The following ACSF2 variants were observed in gnomAD, a reference collection of about 807,000 sequenced individuals.
The protein encoded by ACSF2 is medium-chain acyl-CoA ligase ACSF2, mitochondrial.
A neutral mutation model predicts 79.3 loss-of-function variants in ACSF2; 52 were observed. The ratio of observed to expected loss-of-function variants is 0.66; its 90% CI spans 0.53 to 0.83. The LOEUF (loss-of-function observed/expected upper bound fraction) is 0.83. ACSF2 is among the 40% of genes least tolerant of loss of function. The pLI is 0.00. For synonymous variants in ACSF2, 283 were observed against 312.6 expected, an observed-to-expected ratio of 0.91 and a Z score of 1.00; for missense variants, 661 against 803.3, an observed-to-expected ratio of 0.82 and a Z score of 2.14.
At chr17:50,451,449 T>C (rs1208788692) in intron 1 of ACSF2, among the ~76,000 whole-genome samples, 1 of 152,208 alleles carries the variant, frequency 6.6e-6, no homozygotes, top group Non-Finnish European at 1.5e-5. Flanking sequence ...ATTTTGTTTT[T>C]TTATTTTTTA....
intron 1 of ACSF2, chr17:50,460,154 C>T (rs2032242908): frequency 2.2e-6 from 1 of 455,512 alleles, no homozygotes; most frequent in Admixed American, 2.4e-5. Context: ...TTAGGGCCTC[C>T]ATCTGCCCTC....
Position 50,468,689 on chromosome 17 carries a change from C to T in ACSF2, c.1216-2339C>T, listed in dbSNP as rs145832346. The T allele has an allele frequency of 4.3e-6, 7 of 1,613,658 alleles. No homozygotes were observed. In the African/African-American group the frequency reaches 6.7e-5, roughly 15 times the overall value. On this transcript the variant is annotated intron_variant, in intron 10 of 15. Coordinates refer to ENST00000300441, the MANE Select transcript of ACSF2 (RefSeq NM_025149.6). ...TGACACCTTGGGGATCTTCTGCAGC[C>T]CCACCTTGTCGCAGATGACGTGCTG... is the stretch of plus-strand genomic sequence containing the variant.
At chr17:50,458,777 T>C (rs2032165085) in intron 1 of ACSF2, among the ~76,000 whole-genome samples, 1 of 152,242 alleles carries the variant, frequency 6.6e-6, no homozygotes, top group African/African-American at 2.4e-5. Context: ...GGCCATAGTA[T>C]GGGTGGCCCC....
chr17:50,440,194 T>C (rs1174920754), intron 1 of ACSF2, among the ~76,000 whole-genome samples: 3 of 152,010 alleles, frequency 2.0e-5, no homozygotes, highest in Non-Finnish European at 2.9e-5. Context: ...TTCAATTTAA[T>C]TTTGAAAGCC....
At chr17:50,439,124 G>C (rs1305064870) in intron 1 of ACSF2, among the ~76,000 whole-genome samples, 1 of 148,924 alleles carries the variant, frequency 6.7e-6, no homozygotes, top group Admixed American at 6.7e-5. Flanking sequence ...CTGCTGGAGT[G>C]CAATGACGCC....
intron 1 of ACSF2, among the ~76,000 whole-genome samples, chr17:50,448,113 G>A (rs1201279430): frequency 6.6e-6 from 1 of 151,714 alleles, no homozygotes; most frequent in Non-Finnish European, 1.5e-5. Context: ...ATCATCAAGT[G>A]CACTTACACA....
At position 50,463,616 on chromosome 17, in the gene ACSF2, C is replaced by A; in HGVS notation, c.1046+64C>A. 1 of 1,583,472 alleles carries A rather than the reference C, an allele frequency of 6.3e-7. No homozygotes were observed. The highest frequency in any genetic ancestry group is 8.6e-7 in the Non-Finnish European group (1 of 1,162,838). On this transcript the variant is annotated intron_variant, in intron 8 of 15. Coordinates refer to ENST00000300441, the MANE Select transcript of ACSF2 (RefSeq NM_025149.6). This position sits in a 1 kb window ranked among gnomAD's most constrained non-coding sequence, Gnocchi z 4.6. ...ACCCTCTTCTTCCTCACTCCTGGGC[C>A]CTGACACCTTTCCAAGCTGCCTCCT...
intron 10 of ACSF2, chr17:50,468,574 C>CAATG: frequency 1.9e-6 from 3 of 1,614,222 alleles, no homozygotes; most frequent in Non-Finnish European, 2.5e-6. Flanking sequence ...GCTGCAGGTG[C>CAATG]AATGACACGA....
At chr17:50,431,937 C>T (rs1001741015) in intron 1 of ACSF2, among the ~76,000 whole-genome samples, 9 of 151,980 alleles carry the variant, frequency 5.9e-5, no homozygotes, top group East Asian at 1.9e-4. Context: ...GACAAGGTCT[C>T]GCTCTGTCAC....
At chr17:50,468,569 A>T in intron 10 of ACSF2, 1 of 1,614,232 alleles carries the variant, frequency 6.2e-7, no homozygotes, top group Non-Finnish European at 8.5e-7. Context: ...GCAGTGCTGC[A>T]GGTGCAATGA....
At position 50,464,773 on chromosome 17, in the gene ACSF2, G is replaced by GGT; in HGVS notation, c.1215+480_1215+481insTG. 6.0e-6 allele frequency: 2 copies of GGT among 333,604 alleles called. 1 individual carries two copies. Among genetic ancestry groups the GGT allele is most frequent in the Non-Finnish European group, 1.2e-5 (2 of 169,898 alleles). The allele number at this position is 333,604 out of a possible 1,614,324, so 20.7% of individuals were successfully genotyped here. On this transcript the variant is annotated intron_variant, in intron 10 of 15. Transcript: ENST00000300441. The stretch of plus-strand genomic sequence containing the variant: ...CTGTTGTGGTTCTGATTGACTTGGG[G>GGT]GGGGGGTCTCAGCAACAGCTTCTCC...
At chr17:50,441,076 A>G (rs79416314) in intron 1 of ACSF2, among the ~76,000 whole-genome samples, 10,398 of 152,342 alleles carry the variant, frequency 0.068, 393 homozygotes, top group African/African-American at 0.095. Context: ...GATGGGCTGC[A>G]GAGTAAAGAG....
At chr17:50,432,639 C>CCT (rs1419050303) in intron 1 of ACSF2, among the ~76,000 whole-genome samples, 1 of 152,200 alleles carries the variant, frequency 6.6e-6, no homozygotes, top group Non-Finnish European at 1.5e-5. Flanking sequence ...TCTGCCAGTG[C>CCT]CTCTCCCTTT....
In ACSF2 at chr17:50,460,606, G is replaced by C. The variant is rs900939040; in HGVS notation, c.129-71G>C. On this transcript the variant is annotated intron_variant, in intron 1 of 15. Coordinates refer to ENST00000300441, the MANE Select transcript of ACSF2 (RefSeq NM_025149.6). ...CAGCAGCCTACCCCCTGGCTTGGCT[G>C]GGTGTGCCATGCCCTTGGTTCCAGG... 4 of 1,435,626 alleles carry C rather than the reference G, an allele frequency of 2.8e-6. No homozygotes were observed. The African/African-American group carries it at 5.7e-5, about 20-fold the overall frequency. 88.9% of individuals were successfully genotyped at this position (1,435,626 alleles called of 1,614,324 possible).
intron 1 of ACSF2, among the ~76,000 whole-genome samples, chr17:50,449,192 T>G (rs938271234): frequency 2.7e-5 from 4 of 150,018 alleles, no homozygotes; most frequent in African/African-American, 9.9e-5. Flanking sequence ...AATTTTTGTG[T>G]TTTTGGTAGA....
At chr17:50,438,693 A>C (rs1383159201) in intron 1 of ACSF2, among the ~76,000 whole-genome samples, 1 of 151,864 alleles carries the variant, frequency 6.6e-6, no homozygotes, top group East Asian at 1.9e-4. Flanking sequence ...CAGCCTCCCG[A>C]GTAGCTGGGA....
Position 50,463,387 on chromosome 17 carries a change from A to C in ACSF2, c.889-8A>C. The C allele has an allele frequency of 6.2e-7, 1 of 1,613,660 alleles. No homozygotes were observed. ...AAGACAGACCCAGCCTCCTGTCTCCATCACCAGACACCAGAGCAGTTGCGG... is the reference window on the plus strand; with the variant it reads ...AAGACAGACCCAGCCTCCTGTCTCCCTCACCAGACACCAGAGCAGTTGCGG... On this transcript the variant is annotated splice_polypyrimidine_tract_variant and splice_region_variant and intron_variant, in intron 7 of 15. Coordinates refer to ENST00000300441, the MANE Select transcript of ACSF2 (RefSeq NM_025149.6). The surrounding 1 kb of genome is among the most constrained non-coding windows in gnomAD (Gnocchi z 4.6).
Position 50,464,206 on chromosome 17 carries a change from TC to T in ACSF2, c.1139-11del. 6.2e-7 allele frequency: 1 copy of T among 1,614,052 alleles called. No homozygotes were observed. The highest frequency in any genetic ancestry group is 2.2e-5 in the East Asian group (1 of 44,866). ...GAATTGGGGAGCTGTGTCAGCCCTC[TC>T]TCTGATTCAGGTGTCATTGCTGGGT... On this transcript the variant is annotated splice_polypyrimidine_tract_variant and intron_variant, in intron 9 of 15. Coordinates refer to ENST00000300441, the MANE Select transcript of ACSF2 (RefSeq NM_025149.6).
At chr17:50,429,276 C>A (rs1292553267) in intron 1 of ACSF2, among the ~76,000 whole-genome samples, 1 of 152,306 alleles carries the variant, frequency 6.6e-6, no homozygotes, top group Admixed American at 6.5e-5. Context: ...TGCTCTTGTT[C>A]TCAGCCTTTC....
Sources: allele counts gnomAD v4.1 joint callset (sites outside exome capture counted in the v4.1 genomes callset), GRCh38; gene constraint gnomAD v4.1.1; non-coding constraint Gnocchi (gnomAD v3.1); transcripts MANE v1.5; gene names NCBI Gene and HGNC (gene_info 2026-07-23, HGNC 2026-07-21).